Variants in CAST observed in about 807,000 individuals in gnomAD.
CAST encodes the protein calpastatin.
CAST carries 76 observed loss-of-function variants against 119.6 expected under a neutral mutation model. The ratio of observed to expected loss-of-function variants is 0.64; its 90% CI spans 0.53 to 0.77. The LOEUF is 0.77. Among genes scored for constraint, CAST ranks in the 30% least tolerant of loss-of-function variants. The pLI is 0.00. For synonymous variants in CAST, 319 were observed against 331.6 expected, an observed-to-expected ratio of 0.96 and a Z score of 0.41; for missense variants, 953 against 946.5, an observed-to-expected ratio of 1.01 and a Z score of -0.09.
the CAST span, among the ~76,000 whole-genome samples, chr5:96,077,949 A>G: frequency 6.6e-6 from 1 of 152,230 alleles, no homozygotes; most frequent in African/African-American, 2.4e-5. Context: ...TACCTATGCT[A>G]TAGTAATCTT....
the CAST span, among the ~76,000 whole-genome samples, chr5:96,435,883 A>T: frequency 6.6e-6 from 1 of 152,228 alleles, no homozygotes; most frequent in African/African-American, 2.4e-5. Context: ...TTAGGAAACA[A>T]ATGTTTTAAA....
the CAST span, among the ~76,000 whole-genome samples, chr5:96,292,590 G>C: frequency 6.6e-6 from 1 of 152,170 alleles, no homozygotes; most frequent in South Asian, 2.1e-4. Context: ...TAAATAATGG[G>C]TTAATGTTCT....
the CAST span, among the ~76,000 whole-genome samples, chr5:96,264,885 T>A: frequency 6.6e-6 from 1 of 152,360 alleles, no homozygotes; most frequent in Non-Finnish European, 1.5e-5. Context: ...ACCTTCATAG[T>A]TGCAGAGTAT....
chr5:96,435,590 C>T, the CAST span, among the ~76,000 whole-genome samples: 3 of 152,176 alleles, frequency 2.0e-5, no homozygotes, highest in Non-Finnish European at 4.4e-5. Context: ...TGTTATATTT[C>T]GTATTATAAA....
At chr5:96,748,667 A>C in intron 19 of CAST, 54 bp downstream of exon 19, 16 of 866,080 alleles carry the variant, frequency 1.8e-5, no homozygotes, top group Non-Finnish European at 2.9e-5. Flanking sequence ...TCTTAAAAAA[A>C]AATTGTGAGA....
the CAST span, among the ~76,000 whole-genome samples, chr5:96,185,323 A>G: frequency 3.3e-5 from 5 of 151,938 alleles, no homozygotes; most frequent in South Asian, 2.1e-4. Flanking sequence ...ATGATAGTTT[A>G]TTTTGCTGTG....
At chr5:96,461,003 C>A in the CAST span, among the ~76,000 whole-genome samples, 8 of 152,112 alleles carry the variant, frequency 5.3e-5, no homozygotes, top group Non-Finnish European at 1.0e-4. Flanking sequence ...AACCCCATAC[C>A]CATTAGCAAG....
chr5:96,313,392 T>G, the CAST span, among the ~76,000 whole-genome samples: 6 of 152,138 alleles, frequency 3.9e-5, no homozygotes, highest in Non-Finnish European at 5.9e-5. Context: ...TGTCTCATAG[T>G]TTTTTTCTTT....
the CAST span, among the ~76,000 whole-genome samples, chr5:96,217,256 GT>G: frequency 7.7e-6 from 1 of 130,544 alleles, no homozygotes; most frequent in Non-Finnish European, 1.6e-5. Context: ...GCCCAGGCTG[GT>G]CCTATACTTC....
chr5:96,662,322 T>TGCCCAC, upstream of CAST: 3 of 567,042 alleles, frequency 5.3e-6, no homozygotes, highest in Non-Finnish European at 5.0e-6. Flanking sequence ...GGCCCTCCGC[T>TGCCCAC]CCCTCCCTCC....
At chr5:96,248,859 G>C in the CAST span, among the ~76,000 whole-genome samples, 1 of 152,172 alleles carries the variant, frequency 6.6e-6, no homozygotes, top group Non-Finnish European at 1.5e-5. Flanking sequence ...TAATTTTGTT[G>C]TCAGATGTAT....
chr5:96,398,943 T>C, the CAST span: 20 of 1,612,992 alleles, frequency 1.2e-5, no homozygotes, highest in East Asian at 3.6e-4. Flanking sequence ...TTGCTTCAAA[T>C]TGTACATGCT....
At chr5:96,689,642 G>C (rs570825630) in intron 2 of CAST, among the ~76,000 whole-genome samples, 1 of 152,246 alleles carries the variant, frequency 6.6e-6, no homozygotes, top group African/African-American at 2.4e-5. Context: ...AGGAAATTGA[G>C]GCACAGCTTG....
chr5:96,362,402 T>G, the CAST span, among the ~76,000 whole-genome samples: 1 of 152,242 alleles, frequency 6.6e-6, no homozygotes, highest in Non-Finnish European at 1.5e-5. Context: ...CCTTGAGGAA[T>G]CACCACACTG....
chr5:96,717,009 A>G (rs1757304029), intron 3 of CAST, among the ~76,000 whole-genome samples: 1 of 152,234 alleles, frequency 6.6e-6, no homozygotes, highest in Non-Finnish European at 1.5e-5. Flanking sequence ...CCAGCTTAAA[A>G]AAAACTTAAA....
the CAST span, among the ~76,000 whole-genome samples, chr5:96,096,630 A>G: frequency 1.3e-5 from 2 of 152,170 alleles, no homozygotes; most frequent in African/African-American, 2.4e-5. Context: ...TTAGTAAGCT[A>G]TTTCCTATAT....
At chr5:96,189,482 G>A in the CAST span, among the ~76,000 whole-genome samples, 2 of 152,076 alleles carry the variant, frequency 1.3e-5, no homozygotes, top group Admixed American at 1.3e-4. Flanking sequence ...TCATCCTGCT[G>A]AGCAAATATT....
chr5:96,200,405 T>G, the CAST span, among the ~76,000 whole-genome samples: 2 of 152,122 alleles, frequency 1.3e-5, no homozygotes, highest in Non-Finnish European at 2.9e-5. Flanking sequence ...TTCCCCCATT[T>G]GGAGTAGTGG....
At chr5:96,162,091 G>A in the CAST span, among the ~76,000 whole-genome samples, 35,764 of 151,952 alleles carry the variant, frequency 0.24, 4,827 homozygotes, top group East Asian at 0.37. Flanking sequence ...TTCCAATATA[G>A]ATGCTTTTTG....
Sources: allele counts gnomAD v4.1 joint callset (sites outside exome capture counted in the v4.1 genomes callset), GRCh38; gene constraint gnomAD v4.1.1; transcripts MANE v1.5; gene names NCBI Gene and HGNC (gene_info 2026-07-23, HGNC 2026-07-21).